UNC79: variants seen among roughly 807,000 people sequenced by gnomAD.
UNC79 encodes the protein unc-79 subunit of NALCN channel complex, also known as protein unc-79 homolog.
A neutral mutation model predicts 283.1 loss-of-function variants in UNC79; 37 were observed. That is an observed-to-expected ratio of 0.13 (90% confidence interval 0.10 to 0.17). The LOEUF is 0.17. Ranked by LOEUF, UNC79 falls within the 10% of genes least tolerant of loss-of-function variation. The pLI, the probability that UNC79 is intolerant of heterozygous loss-of-function variation, is 1.00. For missense variants in UNC79, 2,272 were observed against 3,211.1 expected (o/e 0.71, Z 7.07); for synonymous variants, 1,107 against 1,200.2 (o/e 0.92, Z 1.61).
rs76040188 is a variant in UNC79, at chr14:93,471,577, CT to C, written c.144-2500del. Among the ~76,000 whole-genome samples the C allele has an allele frequency of 1.6e-3, 238 of 146,214 alleles. 3 individuals carry two copies. In the East Asian group the frequency reaches 0.026, roughly 16 times the overall value. On this transcript the variant is annotated intron_variant, in intron 2 of 48. Transcript: ENST00000555664. ...GTTAGGCAGTTTGGTTGGGGAAATACTTTTTTTTTTTTCTGAATAAACTTCA... is the reference window on the plus strand; with the variant it reads ...GTTAGGCAGTTTGGTTGGGGAAATACTTTTTTTTTTTCTGAATAAACTTCA...
intron 1 of UNC79, among the ~76,000 whole-genome samples, chr14:93,444,579 A>G (rs867975331): frequency 6.6e-6 from 1 of 152,140 alleles, no homozygotes; most frequent in Non-Finnish European, 1.5e-5. Context: ...ATTTAGGTTT[A>G]TAAACATTTT....
intron 11 of UNC79, among the ~76,000 whole-genome samples, chr14:93,534,277 A>G (rs530755334): frequency 5.3e-5 from 8 of 152,336 alleles, no homozygotes; most frequent in East Asian, 3.9e-4. Flanking sequence ...TCTCTGAGAC[A>G]TCTTTTCTTT....
chr14:93,480,300 G>T (rs1328565261), intron 4 of UNC79, among the ~76,000 whole-genome samples: 1 of 152,074 alleles, frequency 6.6e-6, no homozygotes, highest in African/African-American at 2.4e-5. Flanking sequence ...TGTTCCCAAG[G>T]TCCCATTTTT....
chr14:93,639,499 A>G lies in UNC79; in HGVS notation c.5801-1646A>G, dbSNP rs80200965. 2.9e-3 allele frequency among the ~76,000 whole-genome samples: 447 copies of G among 152,338 alleles called. 2 individuals are homozygous for G. The highest frequency in any genetic ancestry group is 4.8e-3 in the Non-Finnish European group (329 of 68,042). On this transcript the variant is annotated intron_variant, in intron 32 of 48. Coordinates refer to ENST00000555664, the Ensembl canonical transcript of UNC79. ...TTGTAATTCTGTTGCTTCCACTCAAAGTAACATCTTTATGAAACAATTGAA... is the reference window on the plus strand; with the variant it reads ...TTGTAATTCTGTTGCTTCCACTCAAGGTAACATCTTTATGAAACAATTGAA...
intron 7 of UNC79, among the ~76,000 whole-genome samples, chr14:93,507,947 A>AT: frequency 6.6e-6 from 1 of 151,500 alleles, no homozygotes; most frequent in Non-Finnish European, 1.5e-5. Flanking sequence ...TGAAAAGATT[A>AT]TTTTCTCCCC....
intron 17 of UNC79, among the ~76,000 whole-genome samples, chr14:93,575,494 A>G (rs2063422372): frequency 6.6e-6 from 1 of 152,100 alleles, no homozygotes; most frequent in South Asian, 2.1e-4. Flanking sequence ...GGTGAATAAG[A>G]ATTTTTTACC....
chr14:93,347,203 G>A (rs2139898128), intron 1 of UNC79: 3 of 1,508,318 alleles, frequency 2.0e-6, no homozygotes, highest in East Asian at 4.8e-5. Flanking sequence ...GAGCACTGGA[G>A]CTTGCGTTAC....
At chr14:93,413,803 T>G (rs2140054426) in intron 1 of UNC79, among the ~76,000 whole-genome samples, 1 of 130,232 alleles carries the variant, frequency 7.7e-6, no homozygotes, top group South Asian at 2.7e-4. Flanking sequence ...TTTCATGTGT[T>G]TTTTGGCTGC....
chr14:93,666,890 A>C (rs61467072), intron 40 of UNC79, among the ~76,000 whole-genome samples: 1 of 152,114 alleles, frequency 6.6e-6, no homozygotes, highest in Non-Finnish European at 1.5e-5. Flanking sequence ...AATTAATGAA[A>C]TAAAAAACAG....
At chr14:93,476,692 C>T (rs971181923) in intron 3 of UNC79, among the ~76,000 whole-genome samples, 1 of 152,172 alleles carries the variant, frequency 6.6e-6, no homozygotes, top group Non-Finnish European at 1.5e-5. Context: ...CATCATCAAA[C>T]CTTGGCTGAT....
intron 26 of UNC79, among the ~76,000 whole-genome samples, chr14:93,606,515 G>A (rs983758303): frequency 6.6e-6 from 1 of 152,190 alleles, no homozygotes; most frequent in East Asian, 1.9e-4. Flanking sequence ...TCGTAAGATT[G>A]TGGAGAATGG....
At chr14:93,539,382 G>A (rs1346418819) in intron 12 of UNC79, among the ~76,000 whole-genome samples, 1 of 151,342 alleles carries the variant, frequency 6.6e-6, no homozygotes, top group Non-Finnish European at 1.5e-5. Context: ...TTAGCTGGGC[G>A]TGTTGGCGCC....
chr14:93,556,795 A>G (rs1054265569), intron 14 of UNC79, among the ~76,000 whole-genome samples: 21 of 152,208 alleles, frequency 1.4e-4, no homozygotes, highest in African/African-American at 4.6e-4. Context: ...CTTTTAATTA[A>G]TATCATTTAC....
chr14:93,644,886 G>A (rs1283173789), intron 34 of UNC79, among the ~76,000 whole-genome samples: 1 of 152,172 alleles, frequency 6.6e-6, no homozygotes, highest in Admixed American at 6.5e-5. Flanking sequence ...ATAAAGGTAA[G>A]TGTGACCATT....
At chr14:93,545,234 T>C (rs1195193970) in intron 14 of UNC79, among the ~76,000 whole-genome samples, 1 of 152,222 alleles carries the variant, frequency 6.6e-6, no homozygotes, top group Admixed American at 6.5e-5. Context: ...CTCTTTACAA[T>C]CACCTGCATT....
chr14:93,488,567 A>T (rs949756704), intron 5 of UNC79, among the ~76,000 whole-genome samples: 1 of 152,122 alleles, frequency 6.6e-6, no homozygotes, highest in East Asian at 1.9e-4. Flanking sequence ...AATGAGGAAA[A>T]ATTTTTTATT....
intron 41 of UNC79, among the ~76,000 whole-genome samples, chr14:93,681,515 C>T (rs907996782): frequency 6.6e-6 from 1 of 152,248 alleles, no homozygotes; most frequent in Non-Finnish European, 1.5e-5. Context: ...GAGATTTACT[C>T]TGCGACCCTA....
intron 4 of UNC79, among the ~76,000 whole-genome samples, chr14:93,485,648 T>C (rs1381126380): frequency 6.6e-6 from 1 of 152,164 alleles, no homozygotes; most frequent in Non-Finnish European, 1.5e-5. Flanking sequence ...ATTAATCAAC[T>C]TGACATCTAA....
intron 1 of UNC79, among the ~76,000 whole-genome samples, chr14:93,351,352 A>G (rs2053977112): frequency 6.6e-6 from 1 of 152,162 alleles, no homozygotes; most frequent in African/African-American, 2.4e-5. Context: ...AAATGAACAC[A>G]TTTTTTGTTT....
Sources: gnomAD v4.1 joint callset for allele counts (sites outside exome capture counted in the v4.1 genomes callset) on GRCh38, gnomAD v4.1.1 for gene constraint, MANE v1.5 for transcripts, NCBI Gene and HGNC (gene_info 2026-07-23, HGNC 2026-07-21) for gene names.